Variants in TMEM222 observed in about 807,000 individuals in gnomAD.
TMEM222 encodes the protein chromosome 1 open reading frame 160.
In TMEM222, 18 loss-of-function variants were observed where a neutral mutation model predicts 25.1. The ratio of observed to expected loss-of-function variants is 0.72; its 90% CI spans 0.50 to 1.06. The LOEUF is 1.06. TMEM222 is among the 50% of genes least tolerant of loss of function. The pLI, the probability that TMEM222 is intolerant of heterozygous loss-of-function variation, is 0.00. For missense variants in TMEM222, 296 were observed against 293.7 expected, an observed-to-expected ratio of 1.01 and a Z score of -0.06; for synonymous variants, 131 against 117.9, an observed-to-expected ratio of 1.11 and a Z score of -0.72.
At chr1:27,333,401 C>T (rs1025406094) in intron 3 of TMEM222, 3 of 471,116 alleles carry the variant, frequency 6.4e-6, no homozygotes, top group Non-Finnish European at 4.4e-6. Context: ...CATCTTAGTC[C>T]GTTCTGGCTG....
chr1:27,324,249 G>A (rs1401179492), intron 1 of TMEM222, among the ~76,000 whole-genome samples: 3 of 152,204 alleles, frequency 2.0e-5, no homozygotes, highest in East Asian at 1.9e-4. Flanking sequence ...ACTTGAACCC[G>A]GGAGGTGGAG....
chr1:27,332,577 T>G, intron 3 of TMEM222: 1 of 714,054 alleles, frequency 1.4e-6, no homozygotes, highest in Non-Finnish European at 2.6e-6. Context: ...TATTGCTGGT[T>G]TGGTTTGGGA....
intron 3 of TMEM222, chr1:27,333,573 G>C: frequency 2.3e-6 from 1 of 425,838 alleles, no homozygotes. Flanking sequence ...GGAGGGGTGA[G>C]GGGTCTCCCT....
chr1:27,322,958 C>A (rs2014243184), intron 1 of TMEM222, among the ~76,000 whole-genome samples: 5 of 152,174 alleles, frequency 3.3e-5, no homozygotes, highest in African/African-American at 4.8e-5. Context: ...CTTTCTGTAA[C>A]ATCAGCCTTT....
intron 1 of TMEM222, among the ~76,000 whole-genome samples, chr1:27,327,575 G>A (rs2014382914): frequency 6.6e-6 from 1 of 152,134 alleles, no homozygotes; most frequent in Non-Finnish European, 1.5e-5. Flanking sequence ...TTTTAGTATA[G>A]ACAGGGTTTC....
At chr1:27,328,574 A>G (rs1380389049) in intron 1 of TMEM222, among the ~76,000 whole-genome samples, 3 of 152,114 alleles carry the variant, frequency 2.0e-5, no homozygotes, top group African/African-American at 4.8e-5. Flanking sequence ...TTTTGAATCC[A>G]TGTGTTTCTC....
At chr1:27,332,369 G>A in intron 3 of TMEM222, 1 of 717,078 alleles carries the variant, frequency 1.4e-6, no homozygotes, top group South Asian at 1.5e-5. Flanking sequence ...GCAAGGGTGA[G>A]GAAAGGGAAG....
rs141449594 is a variant in TMEM222, at chr1:27,335,333, C to T, written c.540-46C>T. Reference sequence around the variant, plus strand: ...CTCAGGGCTGCGGGCCGCATGCCTGCTCACCAGGCCCTGCCCACCTATGCT... The same window carrying T: ...CTCAGGGCTGCGGGCCGCATGCCTGTTCACCAGGCCCTGCCCACCTATGCT... On this transcript the variant is annotated intron_variant, in intron 5 of 5. Transcript: ENST00000374076. The T allele has an allele frequency of 1.6e-3, 2,558 of 1,587,454 alleles. 6 individuals carry two copies. Among genetic ancestry groups the T allele is most frequent in the Non-Finnish European group, 2.1e-3 (2,427 of 1,155,692 alleles).
At chr1:27,324,960 G>A (rs2148012297) in intron 1 of TMEM222, among the ~76,000 whole-genome samples, 1 of 152,260 alleles carries the variant, frequency 6.6e-6, no homozygotes, top group South Asian at 2.1e-4. Context: ...CCAATATGGG[G>A]ACTACAGTTT....
chr1:27,334,097 CA>C (rs762324074), intron 4 of TMEM222, 43 bp downstream of exon 4: 26 of 1,613,972 alleles, frequency 1.6e-5, no homozygotes, highest in South Asian at 5.5e-5. Flanking sequence ...AGGTGGGGAC[CA>C]GGGGGGAGGC....
chr1:27,325,616 G>C, intron 1 of TMEM222: 1 of 899,610 alleles, frequency 1.1e-6, no homozygotes, highest in Non-Finnish European at 1.9e-6. Flanking sequence ...TGCAGAAGGA[G>C]ATTAACGCCC....
chr1:27,323,322 G>A (rs1444715064), intron 1 of TMEM222, among the ~76,000 whole-genome samples: 1 of 152,120 alleles, frequency 6.6e-6, no homozygotes, highest in Non-Finnish European at 1.5e-5. Flanking sequence ...AGCTTGTTCC[G>A]CTATCAATAA....
chr1:27,332,617 T>G (rs1571012814), intron 3 of TMEM222: 1 of 678,414 alleles, frequency 1.5e-6, no homozygotes, highest in Non-Finnish European at 2.7e-6. Flanking sequence ...CAGTCTCGGG[T>G]GCCCACCTCA....
Position 27,332,118 on chromosome 1 carries a change from C to T in TMEM222, c.311+17C>T. On this transcript the variant is annotated intron_variant, in intron 3 of 5. Coordinates refer to ENST00000374076, the MANE Select transcript of TMEM222 (RefSeq NM_032125.3). ...GCCTGCCAAGTAAGTGATGAACACC[C>T]ATGTGACTGGCTCTAGAGGCAGGTC... 3 of 1,614,238 alleles carry T rather than the reference C, an allele frequency of 1.9e-6. No individual in the cohort carries two copies. Among genetic ancestry groups the T allele is most frequent in the South Asian group, 1.1e-5 (1 of 91,090 alleles).
chr1:27,329,674 T>C (rs984884181), intron 1 of TMEM222, among the ~76,000 whole-genome samples: 2 of 152,258 alleles, frequency 1.3e-5, no homozygotes, highest in Non-Finnish European at 2.9e-5. Flanking sequence ...AGTTTACATA[T>C]AATAAAATGT....
At chr1:27,333,676 TC>T in intron 3 of TMEM222, 1 of 471,834 alleles carries the variant, frequency 2.1e-6, no homozygotes, top group South Asian at 2.1e-5. Flanking sequence ...CCTCATACCA[TC>T]ACCTTGAGGG....
intron 2 of TMEM222, 112 bp from the exon 3 acceptor site, chr1:27,331,958 C>G (rs1330008717): frequency 8.7e-7 from 1 of 1,147,226 alleles, no homozygotes; most frequent in East Asian, 2.3e-5. Context: ...TTCTGGCCCC[C>G]CCACCCCTGA....
chr1:27,322,858 A>G (rs780519450), intron 1 of TMEM222, among the ~76,000 whole-genome samples: 11 of 151,938 alleles, frequency 7.2e-5, no homozygotes, highest in Non-Finnish European at 1.6e-4. Flanking sequence ...GGGCCCCCAG[A>G]GATCTGAGAG....
chr1:27,326,901 C>T (rs1272968184), intron 1 of TMEM222, among the ~76,000 whole-genome samples: 1 of 152,002 alleles, frequency 6.6e-6, no homozygotes, highest in Non-Finnish European at 1.5e-5. Flanking sequence ...AGGGTTTCTT[C>T]TCTGGGGCTT....
Sources: allele counts gnomAD v4.1 joint callset (sites outside exome capture counted in the v4.1 genomes callset), GRCh38; gene constraint gnomAD v4.1.1; transcripts MANE v1.5; gene names NCBI Gene and HGNC (gene_info 2026-07-23, HGNC 2026-07-21).